Variants in THAP4 observed in about 807,000 individuals in gnomAD.
The protein encoded by THAP4 is THAP domain containing 4.
A neutral mutation model predicts 48.1 loss-of-function variants in THAP4; 18 were observed. The observed-to-expected ratio is 0.37, with a 90% CI of 0.26 to 0.56. The LOEUF (loss-of-function observed/expected upper bound fraction) is 0.56. Ranked by LOEUF, THAP4 falls within the 20% of genes least tolerant of loss-of-function variation. The probability of loss-of-function intolerance (pLI) is 0.78; values close to 1 mark genes in which losing one functional copy is unlikely to be tolerated. For synonymous variants in THAP4, 345 were observed against 324.9 expected (o/e 1.06, Z -0.66); for missense variants, 656 against 774.9 (o/e 0.85, Z 1.82).
chr2:241,604,222 C>T (rs111416425), intron 3 of THAP4, among the ~76,000 whole-genome samples: 1,966 of 151,888 alleles, frequency 0.013, 14 homozygotes, highest in Non-Finnish European at 0.018. Context: ...TACAGGCGCC[C>T]ACCACACCCG....
intron 2 of THAP4, among the ~76,000 whole-genome samples, chr2:241,625,189 T>C (rs542707573): frequency 5.9e-5 from 9 of 152,056 alleles, no homozygotes; most frequent in African/African-American, 2.2e-4. Flanking sequence ...ACAAGAAAAC[T>C]ACAGGCCGGG....
At chr2:241,634,829 C>CA (rs1007679091) in intron 1 of THAP4, among the ~76,000 whole-genome samples, 1 of 151,860 alleles carries the variant, frequency 6.6e-6, no homozygotes. Context: ...CTTCTCCCCT[C>CA]AAAAAAAATC....
In THAP4 at chr2:241,584,574, A is replaced by T. The variant is rs548515857; in HGVS notation, c.*32T>A. ...GCCGAACCGTTGAGGCACAGTAGCC[A>T]GGCCCTCCCGAGGGCTCCAGAAGCT... On this transcript the variant is annotated 3_prime_UTR_variant, in exon 6 of 6. Transcript: ENST00000407315. 6.2e-7 allele frequency: 1 copy of T among 1,613,572 alleles called. No individual in the cohort carries two copies. Among genetic ancestry groups the T allele is most frequent in the Non-Finnish European group, 8.5e-7 (1 of 1,179,578 alleles).
upstream of THAP4, chr2:241,637,544 C>T (rs1266272346): frequency 2.0e-6 from 3 of 1,464,748 alleles, no homozygotes; most frequent in Non-Finnish European, 2.7e-6. Context: ...CTCGCGTCGG[C>T]CCGGCCGTAC....
chr2:241,609,078 G>C (rs951222267), intron 2 of THAP4, among the ~76,000 whole-genome samples: 10 of 152,214 alleles, frequency 6.6e-5, no homozygotes, highest in Non-Finnish European at 1.3e-4. Flanking sequence ...GGAGGGACGA[G>C]GTCTCTGACT....
intron 5 of THAP4, among the ~76,000 whole-genome samples, chr2:241,597,982 A>C (rs575964860): frequency 8.6e-5 from 13 of 151,602 alleles, no homozygotes; most frequent in East Asian, 3.9e-4. Context: ...TGCAAACAAA[A>C]AAAAAAAAAC....
At chr2:241,607,216 G>A (rs931933278) in intron 2 of THAP4, among the ~76,000 whole-genome samples, 4 of 152,148 alleles carry the variant, frequency 2.6e-5, no homozygotes, top group African/African-American at 9.7e-5. Flanking sequence ...AGGTGGGGGT[G>A]CAGTGACAGG....
At chr2:241,635,843 G>A (rs950111492) in intron 1 of THAP4, among the ~76,000 whole-genome samples, 1 of 152,130 alleles carries the variant, frequency 6.6e-6, no homozygotes, top group East Asian at 1.9e-4. Context: ...AGTTCTAACT[G>A]CTATTTGCTC....
At position 241,584,650 on chromosome 2, in the gene THAP4, T is replaced by C. The variant is rs780754048; in HGVS notation, c.1690A>G (p.Met564Val). The change falls in exon 6 of 6, where the codon ATG becomes GTG. Residue 564 changes from methionine to valine, a missense_variant. This residue lies in a region of THAP4 where 176 missense variants were observed against 256.7 expected (regional missense o/e 0.69). Transcript: ENST00000407315. The stretch of plus-strand genomic sequence containing the variant: ...TAGGTGACGTGAAGATGCTGAGTCA[T>C]TGGCTGTGTCGTGGTTGCCATGGAG... ...TVSMATTTQP[M>V]TQHLHVTYKK... is the part of the protein sequence containing the mutation. 1.5e-5 allele frequency: 25 copies of C among 1,614,078 alleles called. No individual in the cohort carries two copies. Among genetic ancestry groups the C allele is most frequent in the Non-Finnish European group, 1.9e-5 (22 of 1,180,030 alleles).
At chr2:241,637,189 C>T, upstream of THAP4, 1 of 987,188 alleles carries the variant, frequency 1.0e-6, no homozygotes, top group Non-Finnish European at 1.2e-6. Flanking sequence ...CGGGCCCGCC[C>T]CCGCCCCAGC....
intron 5 of THAP4, among the ~76,000 whole-genome samples, chr2:241,600,666 T>G (rs530603179): frequency 1.6e-3 from 231 of 141,748 alleles, no homozygotes; most frequent in Middle Eastern, 4.3e-3. Flanking sequence ...AGGCAGAACA[T>G]GCAGTGAGCC....
chr2:241,601,379 G>A lies in THAP4; in HGVS notation c.1614+517C>T, dbSNP rs540036311. Among the ~76,000 whole-genome samples the A allele has an allele frequency of 1.3e-5, 2 of 152,148 alleles. No homozygotes were observed. Among genetic ancestry groups the A allele is most frequent in the Admixed American group, 6.6e-5 (1 of 15,266 alleles). ...GTGAGCATGGGGAATGAGCCCTCCT[G>A]CTTCTAAGTTAGATTCAAAACATGA... On this transcript the variant is annotated intron_variant, in intron 5 of 5. Coordinates refer to ENST00000407315, the MANE Select transcript of THAP4 (RefSeq NM_015963.6). This position sits in a 1 kb window ranked among gnomAD's most constrained non-coding sequence, Gnocchi z 4.0.
intron 2 of THAP4, among the ~76,000 whole-genome samples, chr2:241,630,651 T>C (rs1451810976): frequency 2.6e-5 from 4 of 152,034 alleles, no homozygotes; most frequent in Non-Finnish European, 4.4e-5. Flanking sequence ...TGGTGGCGCA[T>C]GCCTGTGATC....
chr2:241,636,836 C>T, intron 1 of THAP4, 105 bp downstream of exon 1: 3 of 611,714 alleles, frequency 4.9e-6, no homozygotes, highest in Non-Finnish European at 6.1e-6. Flanking sequence ...CCCCGGCCGC[C>T]GAGGCCCGGC....
intron 2 of THAP4, among the ~76,000 whole-genome samples, 197 bp from the exon 3 acceptor site, chr2:241,606,670 A>G (rs1176580784): frequency 6.6e-6 from 1 of 152,240 alleles, no homozygotes; most frequent in African/African-American, 2.4e-5. Context: ...AAGCCTCTGC[A>G]GTTCCTGCAG....
At chr2:241,588,259 C>T (rs778844984) in intron 5 of THAP4, among the ~76,000 whole-genome samples, 11 of 152,206 alleles carry the variant, frequency 7.2e-5, no homozygotes, top group East Asian at 1.9e-4. Flanking sequence ...AAAACCAATA[C>T]GTTGAAAACT....
Position 241,633,835 on chromosome 2 carries a change from C to A in THAP4, c.322G>T (p.Ala108Ser), listed in dbSNP as rs765039479. The A allele has an allele frequency of 2.3e-5, 37 of 1,613,836 alleles. No homozygotes were observed. Among genetic ancestry groups the A allele is most frequent in the Non-Finnish European group, 3.1e-5 (36 of 1,179,754 alleles). ...GAGTGTCCCCTCACACCCCCTGTGG[C>A]CTTGCTGGCATCTTTTCTCCGGGTG... ...GRTRRKDASK[A>S]TGGVRGHSSA... is the part of the protein sequence containing the mutation. Residue 108 changes from alanine to serine, a missense_variant, in exon 2 of 6, where the codon GCC becomes TCC. Coordinates refer to ENST00000407315, the MANE Select transcript of THAP4 (RefSeq NM_015963.6). This position sits in a 1 kb window ranked among gnomAD's most constrained non-coding sequence, Gnocchi z 7.5.
Position 241,584,582 on chromosome 2 carries a change from C to G in THAP4, c.*24G>C, listed in dbSNP as rs1445215520. The G allele has an allele frequency of 2.5e-6, 4 of 1,613,830 alleles. No individual in the cohort carries two copies. The highest frequency in any genetic ancestry group is 1.7e-5 in the Admixed American group (1 of 59,998). ...GTTGAGGCACAGTAGCCAGGCCCTC[C>G]CGAGGGCTCCAGAAGCTCTAGGTTT... On this transcript the variant is annotated 3_prime_UTR_variant, in exon 6 of 6. Coordinates refer to ENST00000407315, the MANE Select transcript of THAP4 (RefSeq NM_015963.6).
At chr2:241,626,315 C>G (rs1034193400) in intron 2 of THAP4, among the ~76,000 whole-genome samples, 3 of 152,048 alleles carry the variant, frequency 2.0e-5, no homozygotes, top group Non-Finnish European at 4.4e-5. Flanking sequence ...GTGGCACATG[C>G]CTGTAATCCC....
Sources: allele counts gnomAD v4.1 joint callset (sites outside exome capture counted in the v4.1 genomes callset), GRCh38; gene constraint gnomAD v4.1.1; regional missense constraint gnomAD v4.1.1; non-coding constraint Gnocchi (gnomAD v3.1); transcripts MANE v1.5; gene names NCBI Gene and HGNC (gene_info 2026-07-23, HGNC 2026-07-21).